USP34: variants seen among roughly 807,000 people sequenced by gnomAD.
USP34 encodes the protein ubiquitin specific peptidase 34, also known as ubiquitin carboxyl-terminal hydrolase 34.
Under a neutral mutation model 460.3 loss-of-function variants are expected in USP34, and 70 were observed. The ratio of observed to expected loss-of-function variants is 0.15; its 90% CI spans 0.13 to 0.19. The LOEUF is 0.19. Among genes scored for constraint, USP34 ranks in the 10% least tolerant of loss-of-function variants. USP34 has a pLI of 1.00. For synonymous variants in USP34, 1,647 were observed against 1,405.3 expected (o/e 1.17, Z -3.85); for missense variants, 3,985 against 4,236.2 (o/e 0.94, Z 1.65).
At chr2:61,296,072 A>C (rs1690017947) in intron 30 of USP34, among the ~76,000 whole-genome samples, 1 of 152,106 alleles carries the variant, frequency 6.6e-6, no homozygotes, top group South Asian at 2.1e-4. Flanking sequence ...CAACTTGGCC[A>C]AAACGGTGAA....
At chr2:61,323,096 C>G (rs1292745777) in intron 21 of USP34, among the ~76,000 whole-genome samples, 1 of 152,134 alleles carries the variant, frequency 6.6e-6, no homozygotes, top group Non-Finnish European at 1.5e-5. Flanking sequence ...GAAGTACAAC[C>G]AGCCATGCAC....
At chr2:61,308,252 G>T (rs1207395952) in intron 27 of USP34, among the ~76,000 whole-genome samples, 3 of 151,422 alleles carry the variant, frequency 2.0e-5, no homozygotes, top group Non-Finnish European at 4.4e-5. Flanking sequence ...CCAACAGAAT[G>T]AACAAAAAAA....
chr2:61,217,516 A>C (rs1431695152), intron 67 of USP34, among the ~76,000 whole-genome samples: 1 of 152,220 alleles, frequency 6.6e-6, no homozygotes, highest in Non-Finnish European at 1.5e-5. Context: ...ATATTACTAC[A>C]TAGTCTTCAC....
At chr2:61,442,048 G>C (rs1349401393) in intron 1 of USP34, among the ~76,000 whole-genome samples, 2 of 152,046 alleles carry the variant, frequency 1.3e-5, no homozygotes, top group African/African-American at 4.8e-5. Flanking sequence ...CCAATGAATG[G>C]TGCTAGGAAA....
intron 1 of USP34, among the ~76,000 whole-genome samples, chr2:61,462,991 T>C (rs1017237686): frequency 1.4e-5 from 2 of 146,552 alleles, no homozygotes; most frequent in African/African-American, 2.5e-5. Flanking sequence ...AATCACTTCA[T>C]TGCACTCCAG....
chr2:61,198,993 A>G lies in USP34; in HGVS notation c.9508+4147T>C, dbSNP rs531513862. Among the ~76,000 whole-genome samples the G allele has an allele frequency of 2.0e-5, 3 of 152,244 alleles. No homozygotes were observed. The East Asian group carries it at 5.8e-4, about 29-fold the overall frequency. ...CTTAACGTTCTTCATCATCTTACCA[A>G]ATCCTAAAAATTTGGTATATATTGG... On this transcript the variant is annotated intron_variant, in intron 75 of 79. Coordinates refer to ENST00000398571, the MANE Select transcript of USP34 (RefSeq NM_014709.4).
At chr2:61,423,323 G>A (rs1432736041) in intron 1 of USP34, among the ~76,000 whole-genome samples, 1 of 151,972 alleles carries the variant, frequency 6.6e-6, no homozygotes, top group Non-Finnish European at 1.5e-5. Flanking sequence ...TGATGGCCAG[G>A]CTGCTCTCGA....
chr2:61,317,151 T>C (rs1690774165), intron 23 of USP34, among the ~76,000 whole-genome samples: 1 of 152,136 alleles, frequency 6.6e-6, no homozygotes, highest in East Asian at 1.9e-4. Flanking sequence ...TCAAGAAACA[T>C]GTAATAGATT....
In USP34 at chr2:61,204,540, A is replaced by C; in HGVS notation, c.9216T>G (p.Phe3072Leu). Residue 3072 changes from phenylalanine to leucine, a missense_variant, in exon 73 of 80, where the codon TTT (phenylalanine) becomes TTG (leucine). Physicochemically the swap from Phe to Leu is conservative, Grantham distance 22. Around this residue, in one of 14 missense-constraint regions of USP34, gnomAD observed 275 missense variants for 292.7 expected, o/e 0.94. Coordinates refer to ENST00000398571, the MANE Select transcript of USP34 (RefSeq NM_014709.4). ...GGTAAGTACAATGGTTGTGTTGTAG[A>C]AAGGGAACCAGAGTATGAAGAAAAT... ...PHDFLHTLVP[F>L]LQHNHCTYHH... 1 of 1,614,174 alleles carries C rather than the reference A, an allele frequency of 6.2e-7. No homozygotes were observed. The highest frequency in any genetic ancestry group is 8.5e-7 in the Non-Finnish European group (1 of 1,180,002).
intron 1 of USP34, among the ~76,000 whole-genome samples, chr2:61,442,898 TAC>T (rs58151221): frequency 0.15 from 21,559 of 147,154 alleles, 1,727 homozygotes; most frequent in East Asian, 0.3. Context: ...GTGATGTGTG[TAC>T]ACACACACAC....
chr2:61,254,924 T>C (rs1572875391), intron 48 of USP34, among the ~76,000 whole-genome samples: 1 of 152,220 alleles, frequency 6.6e-6, no homozygotes, highest in South Asian at 2.1e-4. Context: ...CATGGCTCAC[T>C]GTAAGCTACC....
chr2:61,263,043 C>T (rs1572882220), intron 43 of USP34, among the ~76,000 whole-genome samples: 1 of 151,916 alleles, frequency 6.6e-6, no homozygotes, highest in South Asian at 2.1e-4. Context: ...GAGTCTTGCT[C>T]TGTCACCCAG....
At chr2:61,435,484 G>T (rs1228467770) in intron 1 of USP34, among the ~76,000 whole-genome samples, 1 of 151,432 alleles carries the variant, frequency 6.6e-6, no homozygotes, top group African/African-American at 2.4e-5. Flanking sequence ...AGCTTATCAA[G>T]ATTATACCCA....
intron 53 of USP34, among the ~76,000 whole-genome samples, chr2:61,240,840 CTG>C (rs1558485206): frequency 6.6e-6 from 1 of 152,072 alleles, no homozygotes; most frequent in African/African-American, 2.4e-5. Flanking sequence ...TCCCAAAGTG[CTG>C]GGATTATAGG....
intron 10 of USP34, among the ~76,000 whole-genome samples, chr2:61,356,788 T>A (rs1267561111): frequency 6.6e-6 from 1 of 152,092 alleles, no homozygotes; most frequent in African/African-American, 2.4e-5. Context: ...GTTCTAGAGA[T>A]CTATTGCACA....
intron 10 of USP34, among the ~76,000 whole-genome samples, chr2:61,358,495 CT>C (rs1457530403): frequency 6.6e-6 from 1 of 151,984 alleles, no homozygotes; most frequent in African/African-American, 2.4e-5. Flanking sequence ...ATAAAGGGTA[CT>C]TATCAAAAAC....
In USP34 at chr2:61,266,588, T is replaced by C. The variant is rs368515751; in HGVS notation, c.5434-421A>G. Among the ~76,000 whole-genome samples, 15 of 152,330 alleles carry C rather than the reference T, an allele frequency of 9.8e-5. No individual in the cohort carries two copies. The East Asian group carries it at 1.3e-3, about 14-fold the overall frequency. ...ACAGTTTACTTATACTGTTGAAAGG[T>C]AGTACTGTTGTACTTTTTCCAAAAT... On this transcript the variant is annotated intron_variant, in intron 41 of 79. Transcript: ENST00000398571.
At chr2:61,278,115 A>G (rs1235031782) in intron 41 of USP34, 50 bp downstream of exon 41, 1 of 1,598,676 alleles carries the variant, frequency 6.3e-7, no homozygotes, top group Non-Finnish European at 8.5e-7. Context: ...TGTAACAACA[A>G]AAAATTTCAA....
chr2:61,304,779 A>T (rs1690348682), intron 27 of USP34, among the ~76,000 whole-genome samples: 1 of 152,210 alleles, frequency 6.6e-6, no homozygotes, highest in Admixed American at 6.5e-5. Flanking sequence ...CAACACATTA[A>T]TGTTGACTAT....
Sources: gnomAD v4.1 joint callset for allele counts (sites outside exome capture counted in the v4.1 genomes callset) on GRCh38, gnomAD v4.1.1 for gene constraint, gnomAD v4.1.1 regional missense constraint, MANE v1.5 for transcripts, NCBI Gene and HGNC (gene_info 2026-07-23, HGNC 2026-07-21) for gene names.